The following PLEKHM2 variants were observed in gnomAD, a reference collection of about 807,000 sequenced individuals.
PLEKHM2 encodes the protein pleckstrin homology and RUN domain containing M2.
PLEKHM2 carries 77 observed loss-of-function variants against 116.3 expected under a neutral mutation model. The observed-to-expected ratio is 0.66, with a 90% CI of 0.55 to 0.80. The LOEUF is 0.80. PLEKHM2 is among the 30% of genes least tolerant of loss of function. PLEKHM2 has a pLI of 0.00. For synonymous variants in PLEKHM2, 562 were observed against 571.0 expected, an observed-to-expected ratio of 0.98 and a Z score of 0.22; for missense variants, 1,183 against 1,354.9, an observed-to-expected ratio of 0.87 and a Z score of 1.99.
rs528958240 is a variant in PLEKHM2, at chr1:15,700,940, T to C, written c.61-15297T>C. ...CATCCTGGCCAAGATGGTGAAAACCTGTCTCTACTAAAAATACAAAACAAT... is the reference window on the plus strand; with the variant it reads ...CATCCTGGCCAAGATGGTGAAAACCCGTCTCTACTAAAAATACAAAACAAT... On this transcript the variant is annotated intron_variant, in intron 1 of 19. Transcript: ENST00000375799. Among the ~76,000 whole-genome samples the C allele has an allele frequency of 6.7e-5, 10 of 150,168 alleles. No individual in the cohort carries two copies. The South Asian group carries it at 1.7e-3, about 25-fold the overall frequency.
chr1:15,711,616 C>CA (rs59444789), intron 1 of PLEKHM2, among the ~76,000 whole-genome samples: 2,687 of 119,560 alleles, frequency 0.022, 79 homozygotes, highest in African/African-American at 0.073. Flanking sequence ...GGCTCCATCT[C>CA]AAAAAAAAAA....
In PLEKHM2 at chr1:15,732,511, C is replaced by A. The variant is rs770112852; in HGVS notation, c.2787C>A (p.Gly929=). ...GDISAVSTEP[G]KEYCVLEFSQ... is the part of the protein sequence containing the mutation. Reference sequence around the variant, plus strand: ...TCAGCGCCGTCTCCACCGAGCCGGGCAAGGAGTACTGCGTCTTGGTGAGCT... The same window carrying A: ...TCAGCGCCGTCTCCACCGAGCCGGGAAAGGAGTACTGCGTCTTGGTGAGCT... The change falls in exon 18 of 20, where the codon GGC becomes GGA. Residue 929 remains glycine (G), a synonymous_variant. Coordinates refer to ENST00000375799, the MANE Select transcript of PLEKHM2 (RefSeq NM_015164.4). 3.7e-6 allele frequency: 6 copies of A among 1,609,818 alleles called. No homozygotes were observed. In the South Asian group the frequency reaches 6.6e-5, roughly 18 times the overall value.
At chr1:15,704,675 C>G (rs1272434505) in intron 1 of PLEKHM2, among the ~76,000 whole-genome samples, 2 of 152,244 alleles carry the variant, frequency 1.3e-5, no homozygotes, top group Non-Finnish European at 2.9e-5. Flanking sequence ...CTCCTGCCCT[C>G]CGTGATGAGT....
At position 15,717,910 on chromosome 1, in the gene PLEKHM2, C is replaced by G; in HGVS notation, c.295C>G (p.Leu99Val). The change falls in exon 4 of 20, where the codon CTG (leucine) becomes GTG (valine). Residue 99 changes from leucine to valine, a missense_variant. Around this residue, in one of 3 missense-constraint regions of PLEKHM2, gnomAD observed 217 missense variants for 277.6 expected, o/e 0.78. Coordinates refer to ENST00000375799, the MANE Select transcript of PLEKHM2 (RefSeq NM_015164.4). Reference protein sequence around the residue: ...NLGRSRAWLYLALNENSLESY... With the variant: ...NLGRSRAWLYVALNENSLESY... ...GTTTGCAGGCCGTGCCTGGCTGTAC[C>G]TGGCCCTCAACGAGAACTCCTTGGA... 1 of 1,596,156 alleles carries G rather than the reference C, an allele frequency of 6.3e-7. No homozygotes were observed. The highest frequency in any genetic ancestry group is 8.5e-7 in the Non-Finnish European group (1 of 1,171,034).
intron 6 of PLEKHM2, chr1:15,720,362 A>C (rs897805427): frequency 3.5e-5 from 34 of 985,180 alleles, no homozygotes; most frequent in Non-Finnish European, 4.1e-5. Context: ...GGCAGGTCTG[A>C]AGCGCAGGGA....
chr1:15,713,632 TTG>T (rs1259092055), intron 1 of PLEKHM2, among the ~76,000 whole-genome samples: 4 of 151,502 alleles, frequency 2.6e-5, no homozygotes, highest in African/African-American at 9.8e-5. Flanking sequence ...GTTTGTTTGT[TTG>T]TTTTTTGTTT....
chr1:15,725,097 C>T (rs904116537), intron 7 of PLEKHM2, among the ~76,000 whole-genome samples: 4 of 152,142 alleles, frequency 2.6e-5, no homozygotes, highest in Non-Finnish European at 5.9e-5. Context: ...TCCGGAGGCC[C>T]CAGGGGTGGT....
At chr1:15,696,106 A>C (rs1640990674) in intron 1 of PLEKHM2, among the ~76,000 whole-genome samples, 2 of 150,862 alleles carry the variant, frequency 1.3e-5, no homozygotes, top group Non-Finnish European at 3.0e-5. Context: ...GAGCCACCAC[A>C]CCCACCCGAT....
intron 1 of PLEKHM2, among the ~76,000 whole-genome samples, chr1:15,706,008 G>A (rs926588352): frequency 1.3e-5 from 2 of 152,160 alleles, no homozygotes; most frequent in Non-Finnish European, 2.9e-5. Context: ...AGGATCGATT[G>A]AGGCAGAGGC....
chr1:15,732,253 G>A lies in PLEKHM2; in HGVS notation c.2626-97G>A, dbSNP rs1265532854. The A allele has an allele frequency of 8.1e-6, 9 of 1,107,826 alleles. No homozygotes were observed. The East Asian group carries it at 2.1e-4, about 26-fold the overall frequency. The allele number at this position is 1,107,826 out of a possible 1,614,324, so 68.6% of individuals were successfully genotyped here. ...GATCCCTGGAGGGAGATCCCTGGAG[G>A]GAGAGCAGAAGGGCTGGCTGGTCCC... On this transcript the variant is annotated intron_variant, in intron 17 of 19. Transcript: ENST00000375799.
rs570032250 is a variant in PLEKHM2 at position 15,730,605 on chromosome 1, C to T, written c.2282C>T (p.Thr761Met). 22 of 1,606,206 alleles carry T rather than the reference C, an allele frequency of 1.4e-5. No homozygotes were observed. The highest frequency in any genetic ancestry group is 3.3e-4 in the Middle Eastern group (2 of 6,052). ...EDPTDESLGPTPCHCSPPEGT... is the reference protein window; with the variant it reads ...EDPTDESLGPMPCHCSPPEGT... The stretch of plus-strand genomic sequence containing the variant: ...CCCACAGACGAGTCCCTGGGCCCCA[C>T]GCCCTGCCACTGCTCACCCCCCGAG... The change falls in exon 15 of 20, where the codon ACG (threonine) becomes ATG (methionine). Residue 761 changes from threonine to methionine, a missense_variant. Coordinates refer to ENST00000375799, the MANE Select transcript of PLEKHM2 (RefSeq NM_015164.4).
Position 15,729,191 on chromosome 1 carries a change from G to C in PLEKHM2, c.2075+1G>C. 6.2e-7 allele frequency: 1 copy of C among 1,607,072 alleles called. No homozygotes were observed. Among genetic ancestry groups the C allele is most frequent in the East Asian group, 2.2e-5 (1 of 44,592 alleles). On this transcript the variant is annotated splice_donor_variant, in intron 13 of 19. Coordinates refer to ENST00000375799, the MANE Select transcript of PLEKHM2 (RefSeq NM_015164.4). LOFTEE classifies it high-confidence loss of function. The surrounding 1 kb of genome is among the most constrained non-coding windows in gnomAD (Gnocchi z 4.7). ...ACACGGCTGATGTGGCGCTGGCTGAGTGAGTGGCAACCCCGCCCCTCTGGA... is the reference window on the plus strand; with the variant it reads ...ACACGGCTGATGTGGCGCTGGCTGACTGAGTGGCAACCCCGCCCCTCTGGA...
intron 1 of PLEKHM2, among the ~76,000 whole-genome samples, chr1:15,709,125 T>C (rs769017828): frequency 6.6e-6 from 1 of 152,182 alleles, no homozygotes; most frequent in Non-Finnish European, 1.5e-5. Context: ...TCTTAACAGC[T>C]CTGCCACCGT....
At chr1:15,699,961 A>G (rs1229045833) in intron 1 of PLEKHM2, among the ~76,000 whole-genome samples, 2 of 151,534 alleles carry the variant, frequency 1.3e-5, no homozygotes, top group Non-Finnish European at 2.9e-5. Context: ...ACTGCACTCC[A>G]GCTTGGGCAA....
chr1:15,719,626 A>G lies in PLEKHM2; in HGVS notation c.466-108A>G, dbSNP rs575290240. 8.6e-6 allele frequency: 6 copies of G among 700,924 alleles called. No individual in the cohort carries two copies. The South Asian group carries it at 9.4e-5, about 11-fold the overall frequency. 43.4% of individuals were successfully genotyped at this position (700,924 alleles called of 1,614,324 possible). On this transcript the variant is annotated intron_variant, in intron 5 of 19. Transcript: ENST00000375799. This position sits in a 1 kb window ranked among gnomAD's most constrained non-coding sequence, Gnocchi z 4.1. Reference sequence around the variant, plus strand: ...TTGAATTTACTACCTTAAGCCATTGATTTCCCAAAGAGGCACATCTGTGTC... The same window carrying G: ...TTGAATTTACTACCTTAAGCCATTGGTTTCCCAAAGAGGCACATCTGTGTC...
At chr1:15,702,861 T>C (rs1293992988) in intron 1 of PLEKHM2, among the ~76,000 whole-genome samples, 4 of 143,556 alleles carry the variant, frequency 2.8e-5, no homozygotes, top group African/African-American at 1.0e-4. Flanking sequence ...ACTGGGACTA[T>C]AGGTATGCAC....
intron 1 of PLEKHM2, among the ~76,000 whole-genome samples, chr1:15,688,081 G>A (rs1429438139): frequency 6.6e-6 from 1 of 152,192 alleles, no homozygotes; most frequent in East Asian, 1.9e-4. Flanking sequence ...CCAGCACCCT[G>A]ACCAAGAAAC....
intron 15 of PLEKHM2, among the ~76,000 whole-genome samples, 169 bp downstream of exon 15, chr1:15,730,891 C>T (rs1359941721): frequency 6.6e-6 from 1 of 152,210 alleles, no homozygotes; most frequent in Non-Finnish European, 1.5e-5. Flanking sequence ...GCTGTTAGAG[C>T]TTCTCTGTAG....
chr1:15,727,911 A>G lies in PLEKHM2; in HGVS notation c.1760+79A>G. ...CACTGTGCCTCTGACCTCCAGATAA[A>G]TTAAGCACTAGGAAGACCTAGCCTG... On this transcript the variant is annotated intron_variant, in intron 9 of 19. Coordinates refer to ENST00000375799, the MANE Select transcript of PLEKHM2 (RefSeq NM_015164.4). The surrounding 1 kb of genome is among the most constrained non-coding windows in gnomAD (Gnocchi z 7.5). 1 of 1,285,960 alleles carries G rather than the reference A, an allele frequency of 7.8e-7. No homozygotes were observed. The highest frequency in any genetic ancestry group is 1.1e-6 in the Non-Finnish European group (1 of 924,520). 79.7% of individuals were successfully genotyped at this position (1,285,960 alleles called of 1,614,324 possible). A position where few individuals can be genotyped will look rare whatever the true frequency, so the allele number is the denominator to read the frequency against.
Sources: gnomAD v4.1 joint callset for allele counts (sites outside exome capture counted in the v4.1 genomes callset) on GRCh38, gnomAD v4.1.1 for gene constraint, gnomAD v4.1.1 regional missense constraint, Gnocchi (gnomAD v3.1) non-coding constraint, MANE v1.5 for transcripts, NCBI Gene and HGNC (gene_info 2026-07-23, HGNC 2026-07-21) for gene names.